NT5C2: variants seen among roughly 807,000 people sequenced by gnomAD.
The protein encoded by NT5C2 is 5'-nucleotidase, cytosolic II, also known as cytosolic purine 5'-nucleotidase.
Under a neutral mutation model 76.1 loss-of-function variants are expected in NT5C2, and 58 were observed. The ratio of observed to expected loss-of-function variants is 0.76; its 90% CI spans 0.62 to 0.95. The LOEUF is 0.95. Ranked by LOEUF, NT5C2 falls within the 40% of genes least tolerant of loss-of-function variation. The pLI is 0.00. For synonymous variants in NT5C2, 229 were observed against 237.4 expected, an observed-to-expected ratio of 0.96 and a Z score of 0.32; for missense variants, 478 against 690.3, an observed-to-expected ratio of 0.69 and a Z score of 3.45.
In NT5C2 at chr10:103,175,081, C is replaced by T. The variant is rs116668897; in HGVS notation, c.-24-99G>A. ...CAGAAAAACTCCAGCTTGCAAACTGCCTAATATAATTACCTATTAAAACAC... is the reference window on the plus strand; with the variant it reads ...CAGAAAAACTCCAGCTTGCAAACTGTCTAATATAATTACCTATTAAAACAC... On this transcript the variant is annotated intron_variant, in intron 2 of 18. Transcript: ENST00000404739. 4.1e-3 allele frequency: 2,670 copies of T among 656,030 alleles called. 72 individuals are homozygous for T. In the African/African-American group the frequency reaches 0.044, roughly 11 times the overall value. The allele number at this position is 656,030 out of a possible 1,614,324, so 40.6% of individuals were successfully genotyped here. A position where few individuals can be genotyped will look rare whatever the true frequency, so the allele number is the denominator to read the frequency against.
chr10:103,183,508 CTT>C (rs541606520), intron 1 of NT5C2, among the ~76,000 whole-genome samples: 20 of 118,074 alleles, frequency 1.7e-4, no homozygotes, highest in Admixed American at 1.8e-4. Flanking sequence ...TAAACAAATG[CTT>C]TTTTTTTTTT....
intron 3 of NT5C2, 115 bp from the exon 4 acceptor site, chr10:103,139,594 T>C: frequency 1.4e-6 from 1 of 727,312 alleles, no homozygotes; most frequent in Non-Finnish European, 2.2e-6. Flanking sequence ...ATTGATTTTT[T>C]AAACTTTTAA....
chr10:103,190,013 T>G (rs1486796134), intron 1 of NT5C2, among the ~76,000 whole-genome samples: 3 of 146,880 alleles, frequency 2.0e-5, no homozygotes, highest in Non-Finnish European at 3.0e-5. Context: ...TTTTTTTTTT[T>G]TTTTTGAGAC....
intron 4 of NT5C2, chr10:103,125,190 C>T (rs768082686): frequency 9.0e-6 from 6 of 666,616 alleles, no homozygotes; most frequent in African/African-American, 5.5e-5. Context: ...GGACTCATCC[C>T]TCCACACCTG....
intron 3 of NT5C2, among the ~76,000 whole-genome samples, chr10:103,145,510 ACTGT>A (rs1339613352): frequency 2.6e-5 from 4 of 152,198 alleles, no homozygotes; most frequent in Non-Finnish European, 5.9e-5. Flanking sequence ...ATGTCAGTTT[ACTGT>A]GTCACATTTC....
chr10:103,169,865 G>A (rs1012391281), intron 3 of NT5C2, among the ~76,000 whole-genome samples: 2 of 152,040 alleles, frequency 1.3e-5, no homozygotes, highest in African/African-American at 4.8e-5. Context: ...GGTGGCTCAC[G>A]CCTGTAATCC....
chr10:103,103,896 C>T (rs901629800), intron 6 of NT5C2, among the ~76,000 whole-genome samples: 1 of 152,142 alleles, frequency 6.6e-6, no homozygotes, highest in Admixed American at 6.6e-5. Flanking sequence ...CTCTGTTACA[C>T]AGGCTGTACT....
intron 3 of NT5C2, among the ~76,000 whole-genome samples, chr10:103,149,561 C>T (rs1335444244): frequency 6.6e-6 from 1 of 152,176 alleles, no homozygotes; most frequent in Non-Finnish European, 1.5e-5. Flanking sequence ...TCTAATTAAG[C>T]ATAGGCTTTT....
chr10:103,182,710 A>G (rs1052823245), intron 1 of NT5C2, among the ~76,000 whole-genome samples: 4 of 152,174 alleles, frequency 2.6e-5, no homozygotes, highest in African/African-American at 9.7e-5. Flanking sequence ...ACACTGCCCT[A>G]AAACTTACAT....
At chr10:103,145,581 C>T (rs991974570) in intron 3 of NT5C2, among the ~76,000 whole-genome samples, 2 of 152,084 alleles carry the variant, frequency 1.3e-5, no homozygotes, top group African/African-American at 4.8e-5. Flanking sequence ...TTGAACATAT[C>T]GGAGAAATTA....
chr10:103,159,172 A>G (rs1402192394), intron 3 of NT5C2, among the ~76,000 whole-genome samples: 1 of 151,834 alleles, frequency 6.6e-6, no homozygotes, highest in Non-Finnish European at 1.5e-5. Flanking sequence ...GTTAGAGGCT[A>G]CAGTGCACTA....
At chr10:103,170,176 G>A (rs1482085973) in intron 3 of NT5C2, among the ~76,000 whole-genome samples, 1 of 152,060 alleles carries the variant, frequency 6.6e-6, no homozygotes, top group Non-Finnish European at 1.5e-5. Context: ...TGAGCACTGT[G>A]GTACACACCT....
intron 3 of NT5C2, among the ~76,000 whole-genome samples, chr10:103,165,036 C>A (rs1324085817): frequency 2.6e-5 from 4 of 152,178 alleles, no homozygotes; most frequent in Non-Finnish European, 5.9e-5. Flanking sequence ...CATCTTGTAT[C>A]TAGAACAGAT....
chr10:103,172,008 G>A (rs1323730921), intron 3 of NT5C2, among the ~76,000 whole-genome samples: 10 of 152,066 alleles, frequency 6.6e-5, no homozygotes. Flanking sequence ...TCAGGAGTTT[G>A]TGACCAGCCT....
intron 9 of NT5C2, among the ~76,000 whole-genome samples, chr10:103,099,659 T>C (rs1416844729): frequency 6.6e-6 from 1 of 151,988 alleles, no homozygotes; most frequent in African/African-American, 2.4e-5. Context: ...TTAAGTATAA[T>C]GTAATACACT....
At chr10:103,188,576 G>A (rs569168683) in intron 1 of NT5C2, among the ~76,000 whole-genome samples, 13 of 152,296 alleles carry the variant, frequency 8.5e-5, no homozygotes, top group East Asian at 5.8e-4. Context: ...GGCATTGAAC[G>A]TGGAAGACTC....
chr10:103,114,316 C>A (rs1431176988), intron 4 of NT5C2, among the ~76,000 whole-genome samples: 1 of 152,000 alleles, frequency 6.6e-6, no homozygotes, highest in Non-Finnish European at 1.5e-5. Context: ...GTGGCACGTG[C>A]CTGTATCACT....
chr10:103,132,533 G>A (rs763216685), intron 4 of NT5C2, among the ~76,000 whole-genome samples: 2 of 152,016 alleles, frequency 1.3e-5, no homozygotes, highest in Non-Finnish European at 2.9e-5. Context: ...TAGCTCTTCT[G>A]TAGGTCTAAA....
At chr10:103,103,436 C>T (rs2070335207) in intron 6 of NT5C2, among the ~76,000 whole-genome samples, 1 of 152,178 alleles carries the variant, frequency 6.6e-6, no homozygotes, top group Non-Finnish European at 1.5e-5. Flanking sequence ...TCCTTAGATA[C>T]AATATACTTC....
Sources: allele counts gnomAD v4.1 joint callset (sites outside exome capture counted in the v4.1 genomes callset), GRCh38; gene constraint gnomAD v4.1.1; transcripts MANE v1.5; gene names NCBI Gene and HGNC (gene_info 2026-07-23, HGNC 2026-07-21).